Variants in EIF4E2 observed in about 807,000 individuals in gnomAD.
The protein encoded by EIF4E2 is eukaryotic translation initiation factor 4E family member 2.
EIF4E2 carries 13 observed loss-of-function variants against 34.2 expected under a neutral mutation model. The observed-to-expected ratio is 0.38, with a 90% CI of 0.25 to 0.60. EIF4E2 has a LOEUF of 0.60. Among genes scored for constraint, EIF4E2 ranks in the 20% least tolerant of loss-of-function variants. The pLI, the probability that EIF4E2 is intolerant of heterozygous loss-of-function variation, is 0.62. For synonymous variants in EIF4E2, 100 were observed against 106.6 expected (o/e 0.94, Z 0.38); for missense variants, 222 against 315.1 (o/e 0.70, Z 2.24).
intron 6 of EIF4E2, among the ~76,000 whole-genome samples, chr2:232,580,019 C>A (rs1252814294): frequency 1.3e-5 from 2 of 151,426 alleles, no homozygotes; most frequent in Admixed American, 1.3e-4. Flanking sequence ...AGTGGCTGGT[C>A]AAGCCTGTCT....
At chr2:232,557,069 A>G (rs1686470720) in intron 2 of EIF4E2, among the ~76,000 whole-genome samples, 1 of 152,074 alleles carries the variant, frequency 6.6e-6, no homozygotes, top group African/African-American at 2.4e-5. Context: ...ACATGGTAAA[A>G]CCCCATCTCT....
rs138116837 is a variant in EIF4E2, at chr2:232,567,470, T to C, written c.665+256T>C. On this transcript the variant is annotated intron_variant, in intron 6 of 6. Coordinates refer to ENST00000258416, the MANE Select transcript of EIF4E2 (RefSeq NM_004846.4). ...AGTTGTACTACCTGGGCTTGCTTAA[T>C]TTCTACAGGCTGTCTTGTCTTTCAT... 228 of 1,291,194 alleles carry C rather than the reference T, an allele frequency of 1.8e-4. 1 individual carries two copies. The African/African-American group carries it at 3.0e-3, about 17-fold the overall frequency. 80.0% of individuals were successfully genotyped at this position (1,291,194 alleles called of 1,614,324 possible).
intron 6 of EIF4E2, among the ~76,000 whole-genome samples, chr2:232,577,919 C>T (rs535842816): frequency 6.6e-5 from 10 of 152,284 alleles, no homozygotes; most frequent in Middle Eastern, 3.4e-3. Flanking sequence ...TTTAAGGGGT[C>T]GCCTGTGGCC....
chr2:232,573,756 C>T (rs114396577), downstream of EIF4E2: 425 of 282,226 alleles, frequency 1.5e-3, 4 homozygotes, highest in African/African-American at 8.7e-3. Context: ...GTTAGAAGGT[C>T]GGAAATATGA....
Position 232,568,457 on chromosome 2 carries a change from A to G in EIF4E2, c.666-488A>G, listed in dbSNP as rs1574672462. 4.1e-6 allele frequency: 4 copies of G among 984,842 alleles called. No homozygotes were observed. The South Asian group carries it at 1.4e-4, about 35-fold the overall frequency. 61.0% of individuals were successfully genotyped at this position (984,842 alleles called of 1,614,324 possible). On this transcript the variant is annotated intron_variant, in intron 6 of 6. Transcript: ENST00000258416. Reference sequence around the variant, plus strand: ...GTTAGCATTGCTTTACTCTGGGCACATTTTTCTTATTCTCTATTCTGGGAT... The same window carrying G: ...GTTAGCATTGCTTTACTCTGGGCACGTTTTTCTTATTCTCTATTCTGGGAT...
At chr2:232,580,887 C>T in intron 6 of EIF4E2, 2 of 1,545,876 alleles carry the variant, frequency 1.3e-6, no homozygotes, top group Non-Finnish European at 1.7e-6. Context: ...CTATTTTCTC[C>T]CATTTTTTTC....
chr2:232,559,437 G>GAAAAAAAA (rs576075217), intron 3 of EIF4E2, among the ~76,000 whole-genome samples: 1,246 of 119,098 alleles, frequency 0.01, 5 homozygotes, highest in Non-Finnish European at 0.016. Context: ...GCTTTGGTTT[G>GAAAAAAAA]AAAAAAATAA....
In EIF4E2 at chr2:232,568,290, C is replaced by T. The variant is rs894323455; in HGVS notation, c.666-655C>T. ...CATAGATAATGTGGAGTGGAGTTGG[C>T]TTAAACCAGCTAAGTGCCAGTTTTT... On this transcript the variant is annotated intron_variant, in intron 6 of 6. Coordinates refer to ENST00000258416, the MANE Select transcript of EIF4E2 (RefSeq NM_004846.4). The T allele has an allele frequency of 4.1e-6, 4 of 985,240 alleles. No homozygotes were observed. In the Admixed American group the frequency reaches 1.8e-4, roughly 45 times the overall value. 61.0% of individuals were successfully genotyped at this position (985,240 alleles called of 1,614,324 possible).
intron 5 of EIF4E2, 48 bp from the exon 6 acceptor site, chr2:232,567,030 C>G (rs772399058): frequency 9.9e-5 from 159 of 1,599,196 alleles, no homozygotes; most frequent in Non-Finnish European, 1.4e-4. Flanking sequence ...CTTTGCTCTC[C>G]TCGCTGCCCC....
intron 6 of EIF4E2, among the ~76,000 whole-genome samples, chr2:232,579,528 T>C (rs1217646201): frequency 6.6e-6 from 1 of 152,162 alleles, no homozygotes; most frequent in Non-Finnish European, 1.5e-5. Flanking sequence ...AGTCGGGGGC[T>C]GTTGGTCACT....
intron 2 of EIF4E2, 90 bp from the exon 3 acceptor site, chr2:232,557,794 A>T: frequency 1.4e-6 from 2 of 1,402,934 alleles, no homozygotes; most frequent in Admixed American, 2.0e-5. Context: ...TTAATTGTGG[A>T]GGTGGTAAGG....
chr2:232,567,527 G>T, intron 6 of EIF4E2: 1 of 1,239,876 alleles, frequency 8.1e-7, no homozygotes, highest in Non-Finnish European at 1.0e-6. Flanking sequence ...TGAAAGACAA[G>T]TGCTTTTCTT....
chr2:232,575,498 A>C (rs1027496372), intron 6 of EIF4E2, among the ~76,000 whole-genome samples: 7 of 152,368 alleles, frequency 4.6e-5, no homozygotes, highest in African/African-American at 1.4e-4. Flanking sequence ...ATCATGGCAC[A>C]CGCCTATTGT....
rs1303540357 is a variant in EIF4E2 at position 232,567,146 on chromosome 2, A to G, written c.597A>G (p.Thr199=). ...CAACCACAGCCCGAATCCGGGACAC[A>G]CTTCGGCGAGTGCTTAACCTACCTC... ...DQATTARIRD[T]LRRVLNLPPN... is the part of the protein sequence containing the mutation. The change falls in exon 6 of 7, where the codon ACA becomes ACG. Residue 199 remains threonine (T), a synonymous_variant. Transcript: ENST00000258416. 10 of 1,614,094 alleles carry G rather than the reference A, an allele frequency of 6.2e-6. No homozygotes were observed. Among genetic ancestry groups the G allele is most frequent in the Non-Finnish European group, 8.5e-6 (10 of 1,180,044 alleles).
chr2:232,563,333 A>T (rs1038244144), intron 3 of EIF4E2, among the ~76,000 whole-genome samples: 4 of 151,324 alleles, frequency 2.6e-5, no homozygotes, highest in Non-Finnish European at 5.9e-5. Flanking sequence ...TGACACCAGG[A>T]GTTAGAGGCT....
At chr2:232,572,145 T>A (rs1693106499), downstream of EIF4E2, among the ~76,000 whole-genome samples, 1 of 152,222 alleles carries the variant, frequency 6.6e-6, no homozygotes, top group South Asian at 2.1e-4. Flanking sequence ...ACATTTAACT[T>A]GTTCTTTCTT....
chr2:232,567,661 G>C, intron 6 of EIF4E2: 1 of 1,036,430 alleles, frequency 9.6e-7, no homozygotes. Flanking sequence ...TATCAGGAAT[G>C]ACTCCATTTC....
intron 6 of EIF4E2, 68 bp downstream of exon 6, chr2:232,567,282 C>T: frequency 6.3e-7 from 1 of 1,599,780 alleles, no homozygotes; most frequent in Non-Finnish European, 8.5e-7. Context: ...TAGTTGGGCC[C>T]AGAGGAATAT....
At chr2:232,554,585 TGTTTAATAAAGGGGAA>T (rs933103859) in intron 1 of EIF4E2, among the ~76,000 whole-genome samples, 3 of 152,084 alleles carry the variant, frequency 2.0e-5, no homozygotes, top group African/African-American at 2.4e-5. Context: ...GGAAACCAAA[TGTTTAATAAAGGGGAA>T]GTTTAATAAA....
Sources: gnomAD v4.1 joint callset for allele counts (sites outside exome capture counted in the v4.1 genomes callset) on GRCh38, gnomAD v4.1.1 for gene constraint, MANE v1.5 for transcripts, NCBI Gene and HGNC (gene_info 2026-07-23, HGNC 2026-07-21) for gene names.